Variants in POLR2B observed in about 807,000 individuals in gnomAD.
POLR2B encodes the protein RNA polymerase II subunit B, also known as DNA-directed RNA polymerase II subunit RPB2.
POLR2B carries 57 observed loss-of-function variants against 144.6 expected under a neutral mutation model. That is an observed-to-expected ratio of 0.39 (90% CI 0.32 to 0.49). The LOEUF is 0.49. Ranked by LOEUF, POLR2B falls within the 20% of genes least tolerant of loss-of-function variation. The pLI is 0.83. For missense variants in POLR2B, 595 were observed against 1,467.4 expected, an observed-to-expected ratio of 0.41 and a Z score of 9.71; for synonymous variants, 442 against 469.8, an observed-to-expected ratio of 0.94 and a Z score of 0.77.
intron 7 of POLR2B, among the ~76,000 whole-genome samples, chr4:57,004,477 C>G (rs541493861): frequency 1.3e-5 from 2 of 152,098 alleles, no homozygotes; most frequent in East Asian, 3.9e-4. Flanking sequence ...AGCCATCCTC[C>G]TGTTTTGGCC....
intron 23 of POLR2B, among the ~76,000 whole-genome samples, chr4:57,029,817 G>A (rs1265916506): frequency 2.0e-5 from 3 of 152,114 alleles, no homozygotes; most frequent in Non-Finnish European, 4.4e-5. Flanking sequence ...TGTGTCTTAT[G>A]AGGAAAATTA....
At chr4:56,986,528 T>A (rs1722340352) in intron 2 of POLR2B, 102 bp downstream of exon 2, 1 of 639,768 alleles carries the variant, frequency 1.6e-6, no homozygotes, top group Non-Finnish European at 2.8e-6. Flanking sequence ...TACATGAGAG[T>A]AGTTATTTTA....
At chr4:56,996,275 T>TAC (rs1722682388) in intron 6 of POLR2B, among the ~76,000 whole-genome samples, 1 of 104,506 alleles carries the variant, frequency 9.6e-6, no homozygotes, top group Admixed American at 1.1e-4. Flanking sequence ...TATATATATA[T>TAC]ATATTTTTTT....
intron 17 of POLR2B, 127 bp downstream of exon 17, chr4:57,021,122 C>T (rs775928927): frequency 6.1e-6 from 4 of 657,302 alleles, no homozygotes; most frequent in Non-Finnish European, 1.1e-5. Flanking sequence ...GGTTGATGGT[C>T]ACAAACAGCT....
chr4:57,007,454 T>A (rs1403321882), intron 10 of POLR2B, among the ~76,000 whole-genome samples: 1 of 152,152 alleles, frequency 6.6e-6, no homozygotes, highest in African/African-American at 2.4e-5. Flanking sequence ...ACTTTTGAAT[T>A]ATGAACATGA....
chr4:56,989,661 A>T (rs1384021389), intron 2 of POLR2B, among the ~76,000 whole-genome samples: 1 of 152,230 alleles, frequency 6.6e-6, no homozygotes, highest in Non-Finnish European at 1.5e-5. Flanking sequence ...AAGGTCTCAC[A>T]GATATAAGAT....
At chr4:56,990,259 G>A (rs749312536) in intron 2 of POLR2B, among the ~76,000 whole-genome samples, 9 of 151,468 alleles carry the variant, frequency 5.9e-5, no homozygotes, top group Non-Finnish European at 1.0e-4. Context: ...ATAGGGTTTC[G>A]CTGTCTCCTA....
rs1460720668 is a variant in POLR2B, at chr4:56,979,008, G to A, written c.19+4G>A. 1 of 1,613,416 alleles carries A rather than the reference G, an allele frequency of 6.2e-7. No homozygotes were observed. Among genetic ancestry groups the A allele is most frequent in the Admixed American group, 1.7e-5 (1 of 60,022 alleles). On this transcript the variant is annotated splice_donor_region_variant and intron_variant, in intron 1 of 24. Coordinates refer to ENST00000314595, the MANE Select transcript of POLR2B (RefSeq NM_000938.3). ...AATATGTACGACGCGGATGAGGGTAGGTGAACGCTCAAAACACACGCCGTG... is the reference window on the plus strand; with the variant it reads ...AATATGTACGACGCGGATGAGGGTAAGTGAACGCTCAAAACACACGCCGTG...
At chr4:57,020,799 A>G (rs1185818521) in intron 16 of POLR2B, 100 bp from the exon 17 acceptor site, 1 of 776,750 alleles carries the variant, frequency 1.3e-6, no homozygotes, top group African/African-American at 1.7e-5. Flanking sequence ...ACACCCAAGC[A>G]TTTATGGCAA....
chr4:57,023,478 C>G lies in POLR2B; in HGVS notation c.2664C>G (p.Thr888=). 6.2e-7 allele frequency: 1 copy of G among 1,613,976 alleles called. No individual in the cohort carries two copies. Residue 888 remains threonine, a synonymous_variant, in exon 19 of 25, where the codon ACC becomes ACG. Coordinates refer to ENST00000314595, the MANE Select transcript of POLR2B (RefSeq NM_000938.3). This position sits in a 1 kb window ranked among gnomAD's most constrained non-coding sequence, Gnocchi z 4.3. ...DELESTNRRY[T]KRDCSTFLRT... is the part of the protein sequence containing the mutation. ...TGGAGAGCACCAATAGACGCTATACCAAGAGAGACTGTAGCACTTTTCTCA... is the reference window on the plus strand; with the variant it reads ...TGGAGAGCACCAATAGACGCTATACGAAGAGAGACTGTAGCACTTTTCTCA...
intron 1 of POLR2B, among the ~76,000 whole-genome samples, chr4:56,981,123 A>G (rs912871446): frequency 2.6e-5 from 4 of 152,090 alleles, no homozygotes; most frequent in African/African-American, 9.7e-5. Context: ...CCTTATGCAT[A>G]TTTAAGCAAA....
chr4:57,009,120 T>G (rs1723112568), intron 10 of POLR2B, among the ~76,000 whole-genome samples: 1 of 152,100 alleles, frequency 6.6e-6, no homozygotes, highest in Non-Finnish European at 1.5e-5. Flanking sequence ...GGAGAGTAAA[T>G]TTTGGAAATA....
rs766069754 is a variant in POLR2B at position 56,999,603 on chromosome 4, C to G, written c.736-14C>G. ...TTTGTATATTCATGTTCTAATGATA[C>G]TTTATTTTTCTAGGGTGCCAAGAAG... On this transcript the variant is annotated splice_polypyrimidine_tract_variant and intron_variant, in intron 6 of 24. Coordinates refer to ENST00000314595, the MANE Select transcript of POLR2B (RefSeq NM_000938.3). The G allele has an allele frequency of 6.4e-7, 1 of 1,574,608 alleles. No individual in the cohort carries two copies. Among genetic ancestry groups the G allele is most frequent in the Non-Finnish European group, 8.6e-7 (1 of 1,157,774 alleles).
At chr4:57,013,375 GTC>G (rs1464401544) in intron 13 of POLR2B, among the ~76,000 whole-genome samples, 3 of 143,958 alleles carry the variant, frequency 2.1e-5, no homozygotes, top group African/African-American at 7.7e-5. Flanking sequence ...TCAAAAAAAT[GTC>G]TCTCTCTGTC....
chr4:56,980,167 C>T (rs1032490824), intron 1 of POLR2B, among the ~76,000 whole-genome samples: 1 of 150,650 alleles, frequency 6.6e-6, no homozygotes, highest in Non-Finnish European at 1.5e-5. Context: ...GTCAAACCAT[C>T]TGCCTGTCTC....
intron 16 of POLR2B, among the ~76,000 whole-genome samples, chr4:57,020,017 G>A (rs911118995): frequency 1.7e-4 from 26 of 151,976 alleles, no homozygotes; most frequent in African/African-American, 5.6e-4. Context: ...ATGATATCCA[G>A]GTTATGAATA....
At chr4:57,028,232 G>A (rs1458067305) in intron 23 of POLR2B, among the ~76,000 whole-genome samples, 1 of 152,182 alleles carries the variant, frequency 6.6e-6, no homozygotes, top group Non-Finnish European at 1.5e-5. Flanking sequence ...AATCATGCAA[G>A]TGCTTTTGTT....
intron 3 of POLR2B, among the ~76,000 whole-genome samples, chr4:56,991,381 C>T (rs1162157290): frequency 6.6e-6 from 1 of 152,102 alleles, no homozygotes; most frequent in Non-Finnish European, 1.5e-5. Flanking sequence ...GGTTTTTTAG[C>T]ATTGTTAAAA....
intron 24 of POLR2B, 30 bp from the exon 25 acceptor site, chr4:57,030,869 T>C (rs1723896270): frequency 7.5e-7 from 1 of 1,331,236 alleles, no homozygotes. Flanking sequence ...AATACAATTC[T>C]GCTAATTACC....
Sources: gnomAD v4.1 joint callset for allele counts (sites outside exome capture counted in the v4.1 genomes callset) on GRCh38, gnomAD v4.1.1 for gene constraint, Gnocchi (gnomAD v3.1) non-coding constraint, MANE v1.5 for transcripts, NCBI Gene and HGNC (gene_info 2026-07-23, HGNC 2026-07-21) for gene names.